PKNOX2: variants seen among roughly 807,000 people sequenced by gnomAD.
PKNOX2 encodes PBX/knotted 1 homeobox 2.
Under a neutral mutation model 53.1 loss-of-function variants are expected in PKNOX2, and 14 were observed. That is an observed-to-expected ratio of 0.26 (90% CI 0.17 to 0.41). The LOEUF is 0.41. Ranked by LOEUF, PKNOX2 falls within the 10% of genes least tolerant of loss-of-function variation. The pLI, the probability that PKNOX2 is intolerant of heterozygous loss-of-function variation, is 1.00. For missense variants in PKNOX2, 496 were observed against 602.8 expected (o/e 0.82, Z 1.85); for synonymous variants, 257 against 242.8 (o/e 1.06, Z -0.54).
intron 5 of PKNOX2, among the ~76,000 whole-genome samples, chr11:125,375,806 A>G (rs1952801005): frequency 6.6e-6 from 1 of 152,190 alleles, no homozygotes; most frequent in South Asian, 2.1e-4. Context: ...GCCTTTCACT[A>G]GCTGCCTAAT....
intron 3 of PKNOX2, among the ~76,000 whole-genome samples, chr11:125,342,686 C>T (rs961880105): frequency 1.3e-5 from 2 of 151,834 alleles, no homozygotes; most frequent in African/African-American, 4.8e-5. Context: ...TCAGGTTTGT[C>T]GAGGGGGACT....
At chr11:125,345,599 CAG>C (rs1345130094) in intron 3 of PKNOX2, among the ~76,000 whole-genome samples, 1 of 152,182 alleles carries the variant, frequency 6.6e-6, no homozygotes, top group Non-Finnish European at 1.5e-5. Flanking sequence ...GATAAATCCA[CAG>C]AGTCACATGA....
intron 2 of PKNOX2, among the ~76,000 whole-genome samples, chr11:125,241,304 T>G (rs938189698): frequency 3.9e-5 from 6 of 152,212 alleles, no homozygotes; most frequent in African/African-American, 7.2e-5. Context: ...CCTCGGTGCC[T>G]TTGCACATGC....
At chr11:125,273,974 G>T (rs1423566325) in intron 2 of PKNOX2, among the ~76,000 whole-genome samples, 2 of 152,178 alleles carry the variant, frequency 1.3e-5, no homozygotes, top group African/African-American at 4.8e-5. Context: ...TGTGAGTGAG[G>T]CCAGGCTGGG....
chr11:125,207,582 G>T (rs1458753783), intron 1 of PKNOX2, among the ~76,000 whole-genome samples: 1 of 152,116 alleles, frequency 6.6e-6, no homozygotes, highest in African/African-American at 2.4e-5. Context: ...GTAGTAGAAA[G>T]CTTGGTGATG....
chr11:125,177,139 T>C (rs556616204), intron 1 of PKNOX2, among the ~76,000 whole-genome samples: 64 of 152,258 alleles, frequency 4.2e-4, no homozygotes, highest in African/African-American at 1.5e-3. Flanking sequence ...AAAAAGTCTT[T>C]GGCAGATCTG....
At chr11:125,203,093 T>C (rs1200179206) in intron 1 of PKNOX2, among the ~76,000 whole-genome samples, 1 of 152,098 alleles carries the variant, frequency 6.6e-6, no homozygotes, top group African/African-American at 2.4e-5. Flanking sequence ...TCCCCAGATC[T>C]AACCAAGAGG....
At chr11:125,312,484 C>G (rs1948870711) in intron 2 of PKNOX2, among the ~76,000 whole-genome samples, 1 of 152,170 alleles carries the variant, frequency 6.6e-6, no homozygotes, top group African/African-American at 2.4e-5. Flanking sequence ...CCCTGCTGTG[C>G]CCCAGGAGAG....
intron 1 of PKNOX2, among the ~76,000 whole-genome samples, chr11:125,171,709 C>T (rs1955332870): frequency 6.6e-6 from 1 of 152,212 alleles, no homozygotes; most frequent in African/African-American, 2.4e-5. Context: ...TGGCTTGGGC[C>T]CTTTTCCAGG....
intron 1 of PKNOX2, among the ~76,000 whole-genome samples, chr11:125,215,303 CTG>C (rs1450147563): frequency 6.6e-6 from 1 of 152,080 alleles, no homozygotes; most frequent in Non-Finnish European, 1.5e-5. Flanking sequence ...GGGCTCAGGA[CTG>C]TGAGTTAGGA....
intron 1 of PKNOX2, among the ~76,000 whole-genome samples, chr11:125,186,406 C>A (rs932670287): frequency 4.6e-5 from 7 of 152,164 alleles, no homozygotes; most frequent in African/African-American, 1.4e-4. Flanking sequence ...AATCCCAGAA[C>A]TTTGAGAGGC....
intron 1 of PKNOX2, among the ~76,000 whole-genome samples, chr11:125,195,909 A>ACACACACACACAC (rs1937627323): frequency 6.6e-6 from 1 of 151,940 alleles, no homozygotes; most frequent in Non-Finnish European, 1.5e-5. Flanking sequence ...ACACACACAC[A>ACACACACACACAC]CACACACACA....
At chr11:125,204,127 G>A (rs760310648) in intron 1 of PKNOX2, among the ~76,000 whole-genome samples, 4 of 152,282 alleles carry the variant, frequency 2.6e-5, no homozygotes, top group African/African-American at 4.8e-5. Context: ...ACACCAGAGC[G>A]GGAAAGAATC....
At chr11:125,236,391 G>A (rs1204071828) in intron 2 of PKNOX2, among the ~76,000 whole-genome samples, 1 of 132,878 alleles carries the variant, frequency 7.5e-6, no homozygotes. Flanking sequence ...TGGGGCGGGG[G>A]GTGGGTGGAG....
intron 1 of PKNOX2, among the ~76,000 whole-genome samples, chr11:125,196,911 G>A (rs1354526228): frequency 6.6e-6 from 1 of 152,206 alleles, no homozygotes; most frequent in Non-Finnish European, 1.5e-5. Flanking sequence ...TTGTAGTAGT[G>A]CCTGGTATGC....
intron 1 of PKNOX2, among the ~76,000 whole-genome samples, chr11:125,179,363 A>G (rs1405794145): frequency 6.6e-6 from 1 of 152,192 alleles, no homozygotes; most frequent in Non-Finnish European, 1.5e-5. Flanking sequence ...CTGTGGGAGC[A>G]TTCTTCAACA....
intron 1 of PKNOX2, among the ~76,000 whole-genome samples, chr11:125,221,926 G>T (rs1304705457): frequency 6.6e-6 from 1 of 152,152 alleles, no homozygotes; most frequent in Non-Finnish European, 1.5e-5. Context: ...ACTTGCTGTC[G>T]CCTGGTTGCG....
intron 2 of PKNOX2, among the ~76,000 whole-genome samples, chr11:125,259,878 C>CT (rs551076606): frequency 0.028 from 4,051 of 144,102 alleles, 51 homozygotes; most frequent in Middle Eastern, 0.047. Context: ...TTTTTTAATT[C>CT]TTTTTTTTTT....
chr11:125,303,579 C>G lies in PKNOX2; in HGVS notation c.-129-28240C>G, dbSNP rs191906748. On this transcript the variant is annotated intron_variant, in intron 2 of 12. Coordinates refer to ENST00000298282, the MANE Select transcript of PKNOX2 (RefSeq NM_001382323.2). ...TCATGGCCTTGGAGATTCCTGTCAA[C>G]TCCAAGGTTCCCCGGCTCCATGACT... Among the ~76,000 whole-genome samples, 162 of 152,346 alleles carry G rather than the reference C, an allele frequency of 1.1e-3. 3 individuals carry two copies. Among genetic ancestry groups the G allele is most frequent in the African/African-American group, 3.7e-3 (154 of 41,584 alleles).
Sources: allele counts gnomAD v4.1 joint callset (sites outside exome capture counted in the v4.1 genomes callset), GRCh38; gene constraint gnomAD v4.1.1; transcripts MANE v1.5; gene names NCBI Gene and HGNC (gene_info 2026-07-23, HGNC 2026-07-21).